The following ROR2 variants were observed in gnomAD, a reference collection of about 807,000 sequenced individuals.
ROR2 encodes tyrosine-protein kinase transmembrane receptor ROR2.
A neutral mutation model predicts 74.9 loss-of-function variants in ROR2; 33 were observed. The ratio of observed to expected loss-of-function variants is 0.44; its 90% CI spans 0.33 to 0.59. The LOEUF is 0.59. ROR2 is among the 20% of genes least tolerant of loss of function. The pLI is 0.02. For missense variants in ROR2, 1,216 were observed against 1,313.8 expected (o/e 0.93, Z 1.15); for synonymous variants, 586 against 558.7 (o/e 1.05, Z -0.69).
intron 1 of ROR2, among the ~76,000 whole-genome samples, chr9:91,778,903 A>G (rs1826513099): frequency 6.6e-6 from 1 of 152,176 alleles, no homozygotes; most frequent in Non-Finnish European, 1.5e-5. Context: ...GATACTTTTT[A>G]AAGAGAGGAA....
chr9:91,818,355 C>T (rs765686448), intron 1 of ROR2, among the ~76,000 whole-genome samples: 4 of 152,166 alleles, frequency 2.6e-5, no homozygotes, highest in African/African-American at 9.7e-5. Context: ...AGCACAACCA[C>T]GTATCTTTTG....
chr9:91,879,736 G>C (rs1453304308), intron 1 of ROR2, among the ~76,000 whole-genome samples: 1 of 151,668 alleles, frequency 6.6e-6, no homozygotes, highest in Non-Finnish European at 1.5e-5. Context: ...AAAAGCCCAG[G>C]GTCTAACCAA....
chr9:91,931,997 A>T (rs555266123), intron 1 of ROR2, among the ~76,000 whole-genome samples: 9 of 152,224 alleles, frequency 5.9e-5, no homozygotes, highest in Non-Finnish European at 1.3e-4. Context: ...GGTAATTAAA[A>T]GTGAGATAAA....
intron 1 of ROR2, among the ~76,000 whole-genome samples, chr9:91,845,908 A>AAAG (rs1828916412): frequency 1.4e-5 from 2 of 139,886 alleles, no homozygotes; most frequent in Non-Finnish European, 3.0e-5. Context: ...AAAAAAAAAA[A>AAAG]TAGGTGTACC....
chr9:91,949,478 C>A (rs1832109381), intron 1 of ROR2, among the ~76,000 whole-genome samples: 1 of 151,964 alleles, frequency 6.6e-6, no homozygotes, highest in African/African-American at 2.4e-5. Context: ...AGGAGGAAGA[C>A]CTCGGGGAGG....
chr9:91,876,633 C>T (rs1023837656), intron 1 of ROR2, among the ~76,000 whole-genome samples: 30 of 152,072 alleles, frequency 2.0e-4, no homozygotes, highest in Non-Finnish European at 4.1e-4. Flanking sequence ...AAAGATGACT[C>T]AAGAGCCAAA....
At chr9:91,799,387 G>A (rs1250767277) in intron 1 of ROR2, among the ~76,000 whole-genome samples, 3 of 152,112 alleles carry the variant, frequency 2.0e-5, no homozygotes, top group South Asian at 2.1e-4. Context: ...GTGCCGAGAC[G>A]GGGGCACGCA....
At position 91,722,790 on chromosome 9, in the gene ROR2, A is replaced by G. The variant is rs1265091171; in HGVS notation, c.*872T>C. 6.7e-6 allele frequency: 4 copies of G among 593,998 alleles called. No individual in the cohort carries two copies. Among genetic ancestry groups the G allele is most frequent in the Non-Finnish European group, 1.2e-5 (4 of 330,980 alleles). 36.8% of individuals were successfully genotyped at this position (593,998 alleles called of 1,614,324 possible). A position where few individuals can be genotyped will look rare whatever the true frequency, so the allele number is the denominator to read the frequency against. The stretch of plus-strand genomic sequence containing the variant: ...CTGGATCCCAACGTGGGTAACATAA[A>G]CAGTTAAATTACTAAAGTCATCTTA... On this transcript the variant is annotated 3_prime_UTR_variant, in exon 9 of 9. Transcript: ENST00000375708.
intron 2 of ROR2, among the ~76,000 whole-genome samples, chr9:91,767,944 G>T (rs1826110898): frequency 1.3e-5 from 2 of 152,220 alleles, no homozygotes. Flanking sequence ...GGTCACTGCA[G>T]ATGTAACGAA....
At chr9:91,892,807 GTCTC>G (rs1830454647) in intron 1 of ROR2, among the ~76,000 whole-genome samples, 1 of 151,742 alleles carries the variant, frequency 6.6e-6, no homozygotes, top group Non-Finnish European at 1.5e-5. Flanking sequence ...GGCCAGGATG[GTCTC>G]AATCTCTTGA....
intron 1 of ROR2, among the ~76,000 whole-genome samples, chr9:91,796,635 G>C (rs1827181830): frequency 6.6e-6 from 1 of 151,898 alleles, no homozygotes; most frequent in African/African-American, 2.4e-5. Context: ...GGCTCAGTGG[G>C]AGGGGTTGAC....
At chr9:91,925,111 C>G (rs527510897) in intron 1 of ROR2, among the ~76,000 whole-genome samples, 52 of 152,092 alleles carry the variant, frequency 3.4e-4, no homozygotes, top group Non-Finnish European at 6.8e-4. Context: ...TTGGCCTCCC[C>G]CAAAGTGCTG....
chr9:91,790,294 G>A (rs1182849388), intron 1 of ROR2, among the ~76,000 whole-genome samples: 2 of 151,512 alleles, frequency 1.3e-5, no homozygotes, highest in African/African-American at 4.9e-5. Context: ...AAGGTCAGGA[G>A]ATCAAGACCA....
intron 1 of ROR2, among the ~76,000 whole-genome samples, chr9:91,949,156 C>G (rs1396271094): frequency 6.6e-6 from 1 of 151,588 alleles, no homozygotes; most frequent in Non-Finnish European, 1.5e-5. Context: ...GCGCCCCAGC[C>G]GCTCAGGGAC....
chr9:91,809,265 G>C (rs113456304), intron 1 of ROR2, among the ~76,000 whole-genome samples: 8 of 152,134 alleles, frequency 5.3e-5, no homozygotes, highest in African/African-American at 1.7e-4. Context: ...CAGATAATTT[G>C]CTCAATGGGA....
intron 1 of ROR2, among the ~76,000 whole-genome samples, chr9:91,859,022 T>G (rs1305252193): frequency 6.6e-6 from 1 of 151,894 alleles, no homozygotes; most frequent in African/African-American, 2.4e-5. Flanking sequence ...GAACAAATGC[T>G]GGGAAGGCCT....
intron 4 of ROR2, among the ~76,000 whole-genome samples, chr9:91,747,595 T>C (rs919395945): frequency 2.0e-4 from 30 of 152,362 alleles, no homozygotes; most frequent in Non-Finnish European, 2.9e-4. Context: ...CTGTTGTGCA[T>C]TTTCTATAGA....
At chr9:91,764,319 G>A (rs187097276) in intron 2 of ROR2, among the ~76,000 whole-genome samples, 177 of 151,908 alleles carry the variant, frequency 1.2e-3, no homozygotes, top group African/African-American at 4.1e-3. Context: ...CTTATAAGTG[G>A]CATATAATTT....
intron 1 of ROR2, among the ~76,000 whole-genome samples, chr9:91,881,184 C>T (rs539804322): frequency 3.9e-5 from 6 of 152,142 alleles, no homozygotes; most frequent in Middle Eastern, 3.4e-3. Flanking sequence ...ATATTGAAAA[C>T]GAGTGGAGTG....
Sources: gnomAD v4.1 joint callset for allele counts (sites outside exome capture counted in the v4.1 genomes callset) on GRCh38, gnomAD v4.1.1 for gene constraint, MANE v1.5 for transcripts, NCBI Gene and HGNC (gene_info 2026-07-23, HGNC 2026-07-21) for gene names.